Variants in RLF observed in about 807,000 individuals in gnomAD.
RLF encodes the protein RLF zinc finger.
Under a neutral mutation model 162.9 loss-of-function variants are expected in RLF, and 7 were observed. That is an observed-to-expected ratio of 0.04 (90% CI 0.02 to 0.08). The LOEUF (loss-of-function observed/expected upper bound fraction) is 0.08. RLF is among the 10% of genes least tolerant of loss of function. RLF has a pLI of 1.00. For synonymous variants in RLF, 782 were observed against 791.5 expected, an observed-to-expected ratio of 0.99 and a Z score of 0.20; for missense variants, 1,664 against 2,244.7, an observed-to-expected ratio of 0.74 and a Z score of 5.23.
rs1491177076 is a variant in RLF, at chr1:40,200,939, C to CAG, written c.608-1473_608-1472insAG. 6.8e-5 allele frequency among the ~76,000 whole-genome samples: 7 copies of CAG among 103,012 alleles called. 1 individual carries two copies. The highest frequency in any genetic ancestry group is 2.9e-4 in the African/African-American group (6 of 20,444). The allele number at this position is 103,012 out of a possible 152,430, so 67.6% of individuals were successfully genotyped here. A position where few individuals can be genotyped will look rare whatever the true frequency, so the allele number is the denominator to read the frequency against. ...ACACACACACACACACACACACACA[C>CAG]TGGTTTATCCTTAGTATAAACCATT... is the stretch of plus-strand genomic sequence containing the variant. On this transcript the variant is annotated intron_variant, in intron 4 of 7. Transcript: ENST00000372771.
At chr1:40,182,895 G>A (rs1642425707) in intron 1 of RLF, among the ~76,000 whole-genome samples, 1 of 152,016 alleles carries the variant, frequency 6.6e-6, no homozygotes, top group Non-Finnish European at 1.5e-5. Context: ...AGACTTAGGG[G>A]GTTTAATTTA....
chr1:40,196,702 TG>T lies in RLF; in HGVS notation c.607+939del, dbSNP rs917560688. Among the ~76,000 whole-genome samples the T allele has an allele frequency of 7.9e-4, 120 of 151,828 alleles. 1 individual carries two copies. Among genetic ancestry groups the T allele is most frequent in the African/African-American group, 2.5e-3 (102 of 41,230 alleles). On this transcript the variant is annotated intron_variant, in intron 4 of 7. Transcript: ENST00000372771. Reference sequence around the variant, plus strand: ...TTTTGTAGATATGGGGGTCTCACTATGTTGCCTAGGCTGGTCTTGAACTCCT... The same window carrying T: ...TTTTGTAGATATGGGGGTCTCACTATTTGCCTAGGCTGGTCTTGAACTCCT...
At chr1:40,214,568 A>T (rs1471564038) in intron 5 of RLF, among the ~76,000 whole-genome samples, 4 of 152,160 alleles carry the variant, frequency 2.6e-5, no homozygotes, top group Non-Finnish European at 4.4e-5. Context: ...ACAAATACAG[A>T]ATCTGCAAAT....
intron 3 of RLF, among the ~76,000 whole-genome samples, chr1:40,194,870 G>A (rs1642609316): frequency 6.6e-6 from 1 of 151,460 alleles, no homozygotes; most frequent in South Asian, 2.1e-4. Context: ...GTCTTGTTCT[G>A]TCACCCAGGC....
chr1:40,219,966 G>A (rs1642970379), intron 5 of RLF, among the ~76,000 whole-genome samples: 1 of 152,178 alleles, frequency 6.6e-6, no homozygotes, highest in African/African-American at 2.4e-5. Context: ...AGAAGTACTG[G>A]CCAGGTGCGG....
chr1:40,189,379 A>G (rs1642527028), intron 2 of RLF, among the ~76,000 whole-genome samples, 170 bp downstream of exon 2: 1 of 152,152 alleles, frequency 6.6e-6, no homozygotes, highest in Non-Finnish European at 1.5e-5. Context: ...AGTCCAAGTG[A>G]AGCTCCAGCC....
intron 1 of RLF, among the ~76,000 whole-genome samples, chr1:40,169,257 T>C (rs370285083): frequency 1.3e-5 from 2 of 152,142 alleles, no homozygotes; most frequent in East Asian, 1.9e-4. Context: ...CTGTAGAGCC[T>C]ATGTTCTTTT....
chr1:40,220,396 A>C (rs1642976419), intron 5 of RLF, among the ~76,000 whole-genome samples: 3 of 152,086 alleles, frequency 2.0e-5, no homozygotes, highest in Admixed American at 2.0e-4. Context: ...GTCCTGGAGT[A>C]TCTTTCTCAG....
At chr1:40,174,413 G>A (rs1433834318) in intron 1 of RLF, among the ~76,000 whole-genome samples, 1 of 151,798 alleles carries the variant, frequency 6.6e-6, no homozygotes, top group Non-Finnish European at 1.5e-5. Context: ...CAAATAGAGT[G>A]CCACCAAATG....
chr1:40,234,225 CAGGTGTG>C (rs1202335790), intron 7 of RLF, among the ~76,000 whole-genome samples: 1 of 152,182 alleles, frequency 6.6e-6, no homozygotes, highest in Non-Finnish European at 1.5e-5. Context: ...GCTGGGATTA[CAGGTGTG>C]AGCCACTGTG....
At chr1:40,192,820 C>T (rs1642576829) in intron 3 of RLF, among the ~76,000 whole-genome samples, 1 of 152,106 alleles carries the variant, frequency 6.6e-6, no homozygotes, top group Non-Finnish European at 1.5e-5. Flanking sequence ...TAGTTTTTAT[C>T]AGAGCAGGCT....
intron 7 of RLF, among the ~76,000 whole-genome samples, chr1:40,232,351 CAT>C (rs1010278305): frequency 6.6e-6 from 1 of 151,954 alleles, no homozygotes; most frequent in Non-Finnish European, 1.5e-5. Context: ...TGTTGAATAA[CAT>C]CACAAAAATT....
rs576342142 is a variant in RLF at position 40,221,628 on chromosome 1, C to G, written c.811-946C>G. Among the ~76,000 whole-genome samples, 3 of 150,920 alleles carry G rather than the reference C, an allele frequency of 2.0e-5. No homozygotes were observed. In the East Asian group the frequency reaches 5.8e-4, roughly 29 times the overall value. On this transcript the variant is annotated intron_variant, in intron 5 of 7. Coordinates refer to ENST00000372771, the MANE Select transcript of RLF (RefSeq NM_012421.4). ...ATGCAAAAAAAAAAAAGGCCGGGCA[C>G]GGTGGCTCACGACTGTAATCCCAGC...
At position 40,216,206 on chromosome 1, in the gene RLF, G is replaced by A. The variant is rs77164203; in HGVS notation, c.811-6368G>A. Among the ~76,000 whole-genome samples, 1,434 of 152,306 alleles carry A rather than the reference G, an allele frequency of 9.4e-3. 21 individuals are homozygous for A. Among genetic ancestry groups the A allele is most frequent in the African/African-American group, 0.032 (1,326 of 41,560 alleles). ...GAAAGATAAAACCCACTGAGGCCAG[G>A]TGCGGAGGCTCAACGCCTGTAATCC... is the stretch of plus-strand genomic sequence containing the variant. On this transcript the variant is annotated intron_variant, in intron 5 of 7. Coordinates refer to ENST00000372771, the MANE Select transcript of RLF (RefSeq NM_012421.4).
chr1:40,219,068 C>G (rs889920931), intron 5 of RLF, among the ~76,000 whole-genome samples: 1 of 152,142 alleles, frequency 6.6e-6, no homozygotes, highest in Admixed American at 6.6e-5. Context: ...TTTACTTTAG[C>G]TGAGAAGTAT....
At chr1:40,166,201 G>T (rs1260287708) in intron 1 of RLF, among the ~76,000 whole-genome samples, 1 of 151,908 alleles carries the variant, frequency 6.6e-6, no homozygotes, top group Admixed American at 6.6e-5. Context: ...CAATTAGTAT[G>T]ATGCCTGGCA....
At position 40,196,461 on chromosome 1, in the gene RLF, GT is replaced by G. The variant is rs367622950; in HGVS notation, c.607+701del. 1.6e-3 allele frequency among the ~76,000 whole-genome samples: 239 copies of G among 152,116 alleles called. 1 individual carries two copies. Among genetic ancestry groups the G allele is most frequent in the African/African-American group, 5.5e-3 (228 of 41,498 alleles). Reference sequence around the variant, plus strand: ...ATATATGAAATAATTGGAATTCATTGTTTTATAGAGAGATGCAAAGAATGAA... The same window carrying G: ...ATATATGAAATAATTGGAATTCATTGTTTATAGAGAGATGCAAAGAATGAA... On this transcript the variant is annotated intron_variant, in intron 4 of 7. Transcript: ENST00000372771.
At position 40,190,928 on chromosome 1, in the gene RLF, G is replaced by A. The variant is rs1642548717; in HGVS notation, c.474+75G>A. 14 of 845,964 alleles carry A rather than the reference G, an allele frequency of 1.7e-5. No homozygotes were observed. The South Asian group carries it at 2.3e-4, about 14-fold the overall frequency. The allele number at this position is 845,964 out of a possible 1,614,324, so 52.4% of individuals were successfully genotyped here. A position where few individuals can be genotyped will look rare whatever the true frequency, so the allele number is the denominator to read the frequency against. ...TAATTACTCCCAGCAAACTAAAATT[G>A]GAACCTTAGAACAAAAACAAGTTTA... On this transcript the variant is annotated intron_variant, in intron 3 of 7. Transcript: ENST00000372771.
chr1:40,184,142 G>A (rs1642441713), intron 1 of RLF, among the ~76,000 whole-genome samples: 1 of 152,142 alleles, frequency 6.6e-6, no homozygotes. Context: ...GAAAATTTGA[G>A]AAGTTTAGAA....
Sources: allele counts gnomAD v4.1 joint callset (sites outside exome capture counted in the v4.1 genomes callset), GRCh38; gene constraint gnomAD v4.1.1; transcripts MANE v1.5; gene names NCBI Gene and HGNC (gene_info 2026-07-23, HGNC 2026-07-21).